Variants in WWOX observed in about 807,000 individuals in gnomAD.
WWOX encodes the protein WW domain containing oxidoreductase.
WWOX carries 69 observed loss-of-function variants against 46.2 expected under a neutral mutation model. That is an observed-to-expected ratio of 1.49 (90% confidence interval 1.23 to 1.82). The LOEUF is 1.82. WWOX is among the 40% of genes most tolerant of loss of function. WWOX has a pLI of 0.00. For missense variants in WWOX, 919 were observed against 542.6 expected (o/e 1.69, Z -6.89); for synonymous variants, 359 against 202.6 (o/e 1.77, Z -6.56).
At chr16:78,939,240 G>T (rs2045803986) in intron 8 of WWOX, among the ~76,000 whole-genome samples, 1 of 152,152 alleles carries the variant, frequency 6.6e-6, no homozygotes, top group Non-Finnish European at 1.5e-5. Flanking sequence ...ACAGAATTGG[G>T]TGTTGGGCTT....
Position 78,574,809 on chromosome 16 carries a change from G to A in WWOX, c.1056+142057G>A, listed in dbSNP as rs112334821. ...TGGTTGCTGGGGCTAGGGGGTCAGT[G>A]AAGTGGGGAGGTGTTGATCTAAGGG... On this transcript the variant is annotated intron_variant, in intron 8 of 8. Transcript: ENST00000566780. 5.2e-3 allele frequency among the ~76,000 whole-genome samples: 786 copies of A among 150,330 alleles called. 7 individuals are homozygous for A. Among genetic ancestry groups the A allele is most frequent in the African/African-American group, 0.017 (713 of 41,056 alleles).
chr16:79,043,213 C>A (rs773363422), intron 8 of WWOX, among the ~76,000 whole-genome samples: 1 of 151,874 alleles, frequency 6.6e-6, no homozygotes, highest in East Asian at 1.9e-4. Flanking sequence ...AAAAAAAAAT[C>A]TATGTATAAC....
At chr16:78,835,457 T>C (rs557013958) in intron 8 of WWOX, among the ~76,000 whole-genome samples, 27 of 152,298 alleles carry the variant, frequency 1.8e-4, no homozygotes, top group African/African-American at 6.0e-4. Flanking sequence ...CCCATGAGCA[T>C]GTTAGTAGAG....
chr16:79,169,873 C>A (rs1053516510), intron 8 of WWOX, among the ~76,000 whole-genome samples: 1 of 152,146 alleles, frequency 6.6e-6, no homozygotes, highest in South Asian at 2.1e-4. Flanking sequence ...GTTCTTACAG[C>A]GGGCTTGATG....
chr16:79,089,935 A>G (rs965365589), intron 8 of WWOX: 2 of 150,498 alleles, frequency 1.3e-5, no homozygotes, highest in Non-Finnish European at 2.9e-5. Flanking sequence ...GCGAAAACCC[A>G]AGAGAAACCG....
At chr16:79,126,984 T>G (rs1270356212) in intron 8 of WWOX, among the ~76,000 whole-genome samples, 5 of 152,264 alleles carry the variant, frequency 3.3e-5, no homozygotes, top group African/African-American at 9.6e-5. Context: ...GCCTGGCTTA[T>G]GTGGCCACTG....
At chr16:78,121,978 G>C (rs1266632093) in intron 4 of WWOX, among the ~76,000 whole-genome samples, 1 of 152,040 alleles carries the variant, frequency 6.6e-6, no homozygotes, top group African/African-American at 2.4e-5. Context: ...CACTTTTTGA[G>C]GTTTCAGTTA....
chr16:78,237,171 G>A (rs1380575575), intron 5 of WWOX, among the ~76,000 whole-genome samples: 1 of 151,792 alleles, frequency 6.6e-6, no homozygotes, highest in Non-Finnish European at 1.5e-5. Flanking sequence ...AAGTCTGACT[G>A]ATTTATGTGC....
At chr16:78,808,711 T>A (rs2051106851) in intron 8 of WWOX, among the ~76,000 whole-genome samples, 1 of 152,062 alleles carries the variant, frequency 6.6e-6, no homozygotes. Flanking sequence ...CTAGATTGAG[T>A]GGTTCCATAT....
chr16:78,443,115 G>C (rs1188099408), intron 8 of WWOX, among the ~76,000 whole-genome samples: 3 of 131,466 alleles, frequency 2.3e-5, no homozygotes, highest in Admixed American at 1.7e-4. Flanking sequence ...CAGCCTGCGT[G>C]ACAGAGCGAG....
intron 8 of WWOX, among the ~76,000 whole-genome samples, chr16:78,734,171 C>G (rs1404229568): frequency 6.6e-6 from 1 of 151,988 alleles, no homozygotes; most frequent in South Asian, 2.1e-4. Flanking sequence ...TAGTTAGAGA[C>G]TTAGGATTTC....
intron 5 of WWOX, among the ~76,000 whole-genome samples, chr16:78,256,775 A>G (rs1203687313): frequency 6.6e-6 from 1 of 152,108 alleles, no homozygotes; most frequent in Non-Finnish European, 1.5e-5. Context: ...ATGGTAGTAG[A>G]TTGCCTCAGA....
chr16:79,121,773 C>T (rs2049637168), intron 8 of WWOX, among the ~76,000 whole-genome samples: 1 of 152,054 alleles, frequency 6.6e-6, no homozygotes, highest in South Asian at 2.1e-4. Flanking sequence ...AGGTTAGTGC[C>T]AGATAAGGTC....
At chr16:78,400,787 C>A (rs60570512) in intron 6 of WWOX, among the ~76,000 whole-genome samples, 1 of 152,076 alleles carries the variant, frequency 6.6e-6, no homozygotes, top group Non-Finnish European at 1.5e-5. Context: ...TACACTGTTA[C>A]CCCTCAATCA....
intron 8 of WWOX, among the ~76,000 whole-genome samples, chr16:78,733,182 C>T (rs950912184): frequency 3.3e-5 from 5 of 152,122 alleles, no homozygotes; most frequent in African/African-American, 1.2e-4. Context: ...AAAGAAGATT[C>T]TATAATACTA....
intron 8 of WWOX, among the ~76,000 whole-genome samples, chr16:78,933,941 C>G (rs553142194): frequency 6.6e-6 from 1 of 152,006 alleles, no homozygotes; most frequent in African/African-American, 2.4e-5. Flanking sequence ...CCTGTAATCC[C>G]AGTGCTTTGG....
chr16:78,698,625 A>G (rs1313782270), intron 8 of WWOX, among the ~76,000 whole-genome samples: 1 of 152,164 alleles, frequency 6.6e-6, no homozygotes, highest in African/African-American at 2.4e-5. Context: ...TTATTTAGGA[A>G]CTTTTCCTGA....
At chr16:78,834,878 T>A (rs1057144761) in intron 8 of WWOX, among the ~76,000 whole-genome samples, 1 of 152,170 alleles carries the variant, frequency 6.6e-6, no homozygotes, top group Non-Finnish European at 1.5e-5. Context: ...ATTATGATAA[T>A]GACTGTTTGT....
At chr16:78,616,532 C>T (rs2046029231) in intron 8 of WWOX, among the ~76,000 whole-genome samples, 1 of 151,674 alleles carries the variant, frequency 6.6e-6, no homozygotes, top group Non-Finnish European at 1.5e-5. Context: ...GAGGCCGAGG[C>T]AGGTGTCTCG....
Sources: gnomAD v4.1 joint callset for allele counts (sites outside exome capture counted in the v4.1 genomes callset) on GRCh38, gnomAD v4.1.1 for gene constraint, MANE v1.5 for transcripts, NCBI Gene and HGNC (gene_info 2026-07-23, HGNC 2026-07-21) for gene names.